The following EML5 variants were observed in gnomAD, a reference collection of about 807,000 sequenced individuals.
EML5 encodes EMAP like 5, also known as echinoderm microtubule-associated protein-like 5.
EML5 carries 120 observed loss-of-function variants against 250.0 expected under a neutral mutation model. The ratio of observed to expected loss-of-function variants is 0.48; its 90% confidence interval spans 0.41 to 0.56. EML5 has a LOEUF of 0.56. EML5 is among the 20% of genes least tolerant of loss of function. EML5 has a pLI of 0.00. For synonymous variants in EML5, 771 were observed against 806.5 expected (o/e 0.96, Z 0.75); for missense variants, 2,006 against 2,437.6 (o/e 0.82, Z 3.73).
At chr14:88,768,560 G>A (rs559293205) in intron 1 of EML5, among the ~76,000 whole-genome samples, 7 of 151,822 alleles carry the variant, frequency 4.6e-5, no homozygotes, top group East Asian at 3.9e-4. Context: ...ACAGGTGCCC[G>A]CCTCCACACC....
intron 40 of EML5, 90 bp from the exon 41 acceptor site, chr14:88,618,421 T>C: frequency 8.4e-7 from 1 of 1,193,274 alleles, no homozygotes; most frequent in South Asian, 1.3e-5. Context: ...ATATTGCTAC[T>C]TGATTTACAT....
chr14:88,709,030 G>A (rs1254780926), intron 10 of EML5, among the ~76,000 whole-genome samples: 1 of 151,942 alleles, frequency 6.6e-6, no homozygotes, highest in Non-Finnish European at 1.5e-5. Context: ...TTTATAATGT[G>A]TTTTAATGTG....
chr14:88,683,519 A>C (rs2092761022), intron 20 of EML5, among the ~76,000 whole-genome samples: 2 of 152,248 alleles, frequency 1.3e-5, no homozygotes, highest in Admixed American at 1.3e-4. Flanking sequence ...TCAAAGCCAG[A>C]CAAAGATATC....
intron 33 of EML5, among the ~76,000 whole-genome samples, chr14:88,630,627 A>G (rs1477689566): frequency 1.3e-5 from 2 of 152,192 alleles, no homozygotes; most frequent in East Asian, 1.9e-4. Flanking sequence ...ACTTAAACCA[A>G]TCAGCACATG....
At chr14:88,659,164 A>C (rs1186262277) in intron 25 of EML5, among the ~76,000 whole-genome samples, 1 of 152,136 alleles carries the variant, frequency 6.6e-6, no homozygotes, top group Non-Finnish European at 1.5e-5. Context: ...ATCTTTTCAA[A>C]GGTGTTAAAA....
At chr14:88,707,118 G>A (rs1042898979) in intron 10 of EML5, among the ~76,000 whole-genome samples, 2 of 152,068 alleles carry the variant, frequency 1.3e-5, no homozygotes, top group African/African-American at 4.8e-5. Flanking sequence ...TTTTGGATAT[G>A]TCATTTCAGG....
chr14:88,709,602 G>T (rs1258595310), intron 10 of EML5, among the ~76,000 whole-genome samples: 2 of 152,190 alleles, frequency 1.3e-5, no homozygotes, highest in African/African-American at 4.8e-5. Flanking sequence ...GCAATATCAA[G>T]TGCTGAATCA....
chr14:88,713,172 A>G (rs2093432672), intron 9 of EML5, among the ~76,000 whole-genome samples: 1 of 152,134 alleles, frequency 6.6e-6, no homozygotes, highest in Admixed American at 6.6e-5. Flanking sequence ...CAGGCAGATC[A>G]CTGAAGGTCA....
intron 1 of EML5, among the ~76,000 whole-genome samples, chr14:88,767,849 T>C (rs2094340327): frequency 6.7e-6 from 1 of 149,250 alleles, no homozygotes; most frequent in South Asian, 2.2e-4. Flanking sequence ...TTAACATTAG[T>C]ACAATATCAT....
At chr14:88,739,550 A>G (rs570466004) in intron 5 of EML5, among the ~76,000 whole-genome samples, 1 of 152,338 alleles carries the variant, frequency 6.6e-6, no homozygotes, top group Non-Finnish European at 1.5e-5. Flanking sequence ...AAAAATAACT[A>G]TTTATAACTA....
intron 39 of EML5, chr14:88,619,774 CCT>C (rs1316165504): frequency 3.9e-5 from 6 of 152,158 alleles, no homozygotes; most frequent in Non-Finnish European, 8.8e-5. Context: ...AAGCGATTCT[CCT>C]GTTTCAGCCC....
At chr14:88,727,267 T>C (rs1333045462) in intron 7 of EML5, among the ~76,000 whole-genome samples, 1 of 152,158 alleles carries the variant, frequency 6.6e-6, no homozygotes, top group African/African-American at 2.4e-5. Context: ...GTAATGCACA[T>C]AGCGGTCAAA....
intron 27 of EML5, among the ~76,000 whole-genome samples, chr14:88,653,537 G>A (rs2091734032): frequency 6.6e-6 from 1 of 152,138 alleles, no homozygotes; most frequent in Non-Finnish European, 1.5e-5. Flanking sequence ...GGCCTTTTCT[G>A]CATCTATTGA....
chr14:88,715,457 T>A (rs1300243582), intron 8 of EML5, among the ~76,000 whole-genome samples: 2 of 152,152 alleles, frequency 1.3e-5, no homozygotes, highest in African/African-American at 4.8e-5. Flanking sequence ...CCATACTAAA[T>A]TTCTGGAGTT....
intron 33 of EML5, among the ~76,000 whole-genome samples, chr14:88,632,172 T>C (rs995278223): frequency 6.6e-6 from 1 of 152,192 alleles, no homozygotes; most frequent in Non-Finnish European, 1.5e-5. Context: ...TTCCTCACTA[T>C]GTCATACGCC....
chr14:88,621,481 G>GT, intron 37 of EML5, 180 bp from the exon 38 acceptor site: 3 of 635,144 alleles, frequency 4.7e-6, no homozygotes, highest in Non-Finnish European at 8.3e-6. Context: ...ACATCTATCT[G>GT]TAAGCACAAT....
At chr14:88,676,621 G>GA (rs1258129332) in intron 21 of EML5, among the ~76,000 whole-genome samples, 1 of 151,978 alleles carries the variant, frequency 6.6e-6, no homozygotes. Flanking sequence ...CACAGAATTA[G>GA]AAAAAAACTA....
intron 1 of EML5, among the ~76,000 whole-genome samples, chr14:88,765,276 T>C (rs2094305795): frequency 6.6e-6 from 1 of 152,152 alleles, no homozygotes; most frequent in Non-Finnish European, 1.5e-5. Flanking sequence ...TAAATTACTT[T>C]CTAGAGTCTC....
chr14:88,707,571 G>A (rs1186135803), intron 10 of EML5, among the ~76,000 whole-genome samples: 1 of 152,008 alleles, frequency 6.6e-6, no homozygotes, highest in Non-Finnish European at 1.5e-5. Context: ...AGTTATAGAA[G>A]ACTTGTATAT....
Sources: allele counts gnomAD v4.1 joint callset (sites outside exome capture counted in the v4.1 genomes callset), GRCh38; gene constraint gnomAD v4.1.1; transcripts MANE v1.5; gene names NCBI Gene and HGNC (gene_info 2026-07-23, HGNC 2026-07-21).